Variants in NBN observed in about 807,000 individuals in gnomAD.
NBN encodes nibrin.
Under a neutral mutation model 90.8 loss-of-function variants are expected in NBN, and 88 were observed. That is an observed-to-expected ratio of 0.97 (90% CI 0.82 to 1.16). The LOEUF is 1.16. Ranked by LOEUF, NBN falls within the 50% of genes most tolerant of loss-of-function variation. The pLI, the probability that NBN is intolerant of heterozygous loss-of-function variation, is 0.00. For missense variants in NBN, 894 were observed against 869.6 expected, an observed-to-expected ratio of 1.03 and a Z score of -0.35; for synonymous variants, 328 against 295.1, an observed-to-expected ratio of 1.11 and a Z score of -1.14.
At chr8:89,944,153 G>T (rs988995689) in intron 13 of NBN, among the ~76,000 whole-genome samples, 1 of 152,150 alleles carries the variant, frequency 6.6e-6, no homozygotes, top group Non-Finnish European at 1.5e-5. Flanking sequence ...AGTGTGAGGA[G>T]AGAGAAAATC....
Position 89,933,486 on chromosome 8 carries a change from A to G in NBN, c.*2096T>C, listed in dbSNP as rs1809529805. ...AAAGTCCAGAAACAGATCCACCATT[A>G]TGGTTAATTGATTTTTTACTAATTG... On this transcript the variant is annotated 3_prime_UTR_variant, in exon 16 of 16. Transcript: ENST00000265433. 4.3e-6 allele frequency: 1 copy of G among 230,034 alleles called. No homozygotes were observed. Among genetic ancestry groups the G allele is most frequent in the East Asian group, 6.2e-5 (1 of 16,034 alleles). The allele number at this position is 230,034 out of a possible 1,614,324, so 14.2% of individuals were successfully genotyped here.
Position 89,947,840 on chromosome 8 carries a change from G to A in NBN, c.1898C>T (p.Ser633Leu), listed in dbSNP as rs1554556897. 2 of 1,578,712 alleles carry A rather than the reference G, an allele frequency of 1.3e-6. No individual in the cohort carries two copies. The highest frequency in any genetic ancestry group is 1.7e-6 in the Non-Finnish European group (2 of 1,152,254). The change falls in exon 12 of 16, where the codon TCA becomes TTA. Residue 633 changes from serine to leucine, a missense_variant. By Grantham distance (145) the Ser-to-Leu change is moderately radical. Coordinates refer to ENST00000265433, the MANE Select transcript of NBN (RefSeq NM_002485.5). ...GTTTCTCACAGATATTTCTTTAGCT[G>A]ACCATAGTGAGTCTTCCTTGAGTTC... ...KRELKEDSLW[S>L]AKEISNNDKL...
chr8:89,937,560 C>T (rs1039692226), intron 14 of NBN, among the ~76,000 whole-genome samples: 1 of 152,214 alleles, frequency 6.6e-6, no homozygotes, highest in Non-Finnish European at 1.5e-5. Context: ...TACAAACTCA[C>T]TAAACTTCTA....
At chr8:89,980,252 A>T (rs995469172) in intron 4 of NBN, among the ~76,000 whole-genome samples, 16 of 152,198 alleles carry the variant, frequency 1.1e-4, no homozygotes, top group Non-Finnish European at 2.1e-4. Context: ...AAAGGAATCT[A>T]AGTATTTGTG....
intron 9 of NBN, among the ~76,000 whole-genome samples, chr8:89,956,309 T>C (rs1331821078): frequency 6.6e-6 from 1 of 151,850 alleles, no homozygotes; most frequent in African/African-American, 2.4e-5. Context: ...GTAGCAAAAA[T>C]TAAAATAAAT....
At chr8:89,943,181 A>G in intron 14 of NBN, 72 bp downstream of exon 14, 2 of 1,512,112 alleles carry the variant, frequency 1.3e-6, no homozygotes, top group East Asian at 2.3e-5. Context: ...TTTAAGAAGA[A>G]TTTGCTTGAA....
chr8:89,949,708 A>G (rs1203907875), intron 11 of NBN, among the ~76,000 whole-genome samples: 3 of 152,226 alleles, frequency 2.0e-5, no homozygotes, highest in Non-Finnish European at 4.4e-5. Context: ...TCTACCATCA[A>G]CATCTATTGG....
At chr8:89,974,789 T>C (rs539822691) in intron 5 of NBN, among the ~76,000 whole-genome samples, 12 of 152,326 alleles carry the variant, frequency 7.9e-5, no homozygotes, top group African/African-American at 2.9e-4. Flanking sequence ...ACTGCAAACA[T>C]ACCCTTGAGA....
intron 4 of NBN, among the ~76,000 whole-genome samples, chr8:89,979,653 CA>C (rs539780873): frequency 0.026 from 3,728 of 143,570 alleles, 124 homozygotes; most frequent in African/African-American, 0.081. Flanking sequence ...GAAAATTTAC[CA>C]AAAAAAAAAA....
intron 14 of NBN, 161 bp from the exon 15 acceptor site, chr8:89,937,236 A>G (rs1322981624): frequency 2.0e-5 from 13 of 649,812 alleles, no homozygotes; most frequent in African/African-American, 5.5e-5. Context: ...CTGATCCTCT[A>G]TATTTTCAAT....
At chr8:89,960,773 T>C (rs1334395683) in intron 8 of NBN, among the ~76,000 whole-genome samples, 1 of 152,218 alleles carries the variant, frequency 6.6e-6, no homozygotes, top group Non-Finnish European at 1.5e-5. Flanking sequence ...TATTCACCTC[T>C]TTATTTCAAG....
At chr8:89,958,652 G>T in intron 9 of NBN, 73 bp downstream of exon 9, 1 of 1,502,676 alleles carries the variant, frequency 6.7e-7, no homozygotes, top group Non-Finnish European at 9.2e-7. Context: ...CTGATAAAGG[G>T]CATTACTTCC....
intron 9 of NBN, among the ~76,000 whole-genome samples, chr8:89,957,944 T>C (rs777702425): frequency 2.2e-4 from 34 of 152,166 alleles, no homozygotes; most frequent in Non-Finnish European, 4.0e-4. Context: ...TAATATATAA[T>C]GAAAAAATTA....
chr8:89,943,581 T>C (rs564125539), intron 13 of NBN, among the ~76,000 whole-genome samples: 92 of 152,304 alleles, frequency 6.0e-4, no homozygotes, highest in Non-Finnish European at 1.2e-3. Context: ...GGACATGTCA[T>C]GGGATTTATG....
chr8:89,943,231 C>G, intron 14 of NBN, 22 bp downstream of exon 14: 5 of 1,613,218 alleles, frequency 3.1e-6, no homozygotes, highest in Non-Finnish European at 4.2e-6. Flanking sequence ...AAGCAAGTTT[C>G]TGGGCCTCAC....
chr8:89,936,936 C>T, intron 15 of NBN, 90 bp downstream of exon 15: 1 of 1,014,386 alleles, frequency 9.9e-7, no homozygotes, highest in South Asian at 1.3e-5. Flanking sequence ...TCTATGAGGA[C>T]AGAAGAAACA....
chr8:89,981,737 T>G, intron 2 of NBN: 1 of 576,836 alleles, frequency 1.7e-6, no homozygotes, highest in South Asian at 2.0e-5. Context: ...ATACCCCTCC[T>G]AGAACACACA....
rs563149304 is a variant in NBN at position 89,952,131 on chromosome 8, T to A, written c.1845+1113A>T. Among the ~76,000 whole-genome samples, 3 of 152,272 alleles carry A rather than the reference T, an allele frequency of 2.0e-5. No homozygotes were observed. The South Asian group carries it at 6.2e-4, about 32-fold the overall frequency. ...ACAGACACCTAGTAAATTAATACCATGGGAAGCAGCTCTGATTATCTACTT... is the reference window on the plus strand; with the variant it reads ...ACAGACACCTAGTAAATTAATACCAAGGGAAGCAGCTCTGATTATCTACTT... On this transcript the variant is annotated intron_variant, in intron 11 of 15. Coordinates refer to ENST00000265433, the MANE Select transcript of NBN (RefSeq NM_002485.5).
At chr8:89,963,717 T>C (rs1018536999) in intron 8 of NBN, among the ~76,000 whole-genome samples, 18 of 152,186 alleles carry the variant, frequency 1.2e-4, no homozygotes, top group African/African-American at 3.1e-4. Context: ...CCCAGTTACT[T>C]ATGCTAGGAA....
Sources: allele counts gnomAD v4.1 joint callset (sites outside exome capture counted in the v4.1 genomes callset), GRCh38; gene constraint gnomAD v4.1.1; transcripts MANE v1.5; gene names NCBI Gene and HGNC (gene_info 2026-07-23, HGNC 2026-07-21).